SORBS2: variants seen among roughly 807,000 people sequenced by gnomAD.
SORBS2 encodes the protein sorbin and SH3 domain containing 2, also known as sorbin and SH3 domain-containing protein 2.
A neutral mutation model predicts 97.7 loss-of-function variants in SORBS2; 46 were observed. That is an observed-to-expected ratio of 0.47 (90% CI 0.37 to 0.60). The LOEUF is 0.60. SORBS2 is among the 20% of genes least tolerant of loss of function. The pLI, the probability that SORBS2 is intolerant of heterozygous loss-of-function variation, is 0.00. For missense variants in SORBS2, 1,316 were observed against 1,282.3 expected, an observed-to-expected ratio of 1.03 and a Z score of -0.40; for synonymous variants, 476 against 473.4, an observed-to-expected ratio of 1.01 and a Z score of -0.07.
chr4:185,870,136 T>C (rs2648112), intron 1 of SORBS2, among the ~76,000 whole-genome samples: 72,230 of 152,076 alleles, frequency 0.47, 19,085 homozygotes, highest in African/African-American at 0.71. Context: ...ATTGGGCCAT[T>C]GTATGCTCTA....
intron 2 of SORBS2, among the ~76,000 whole-genome samples, chr4:185,715,643 T>A (rs190217215): frequency 6.6e-6 from 1 of 152,272 alleles, no homozygotes; most frequent in Non-Finnish European, 1.5e-5. Context: ...AAAAAGTACT[T>A]TATGTAGCGA....
At chr4:185,920,921 G>A (rs1452512561) in intron 1 of SORBS2, among the ~76,000 whole-genome samples, 1 of 152,186 alleles carries the variant, frequency 6.6e-6, no homozygotes, top group Non-Finnish European at 1.5e-5. Context: ...ATGCTTTTCA[G>A]TGATCCATTC....
At chr4:185,765,160 G>A (rs888810780) in intron 2 of SORBS2, among the ~76,000 whole-genome samples, 6 of 152,030 alleles carry the variant, frequency 3.9e-5, no homozygotes, top group African/African-American at 7.2e-5. Context: ...GAAGCAATAT[G>A]AAAAGACCCT....
intron 2 of SORBS2, chr4:185,774,755 A>G (rs957498417): frequency 1.3e-5 from 2 of 152,162 alleles, no homozygotes; most frequent in Non-Finnish European, 2.9e-5. Flanking sequence ...CGAGCAATGA[A>G]CGAAACAGTG....
chr4:185,916,878 G>A (rs1041171096), intron 1 of SORBS2, among the ~76,000 whole-genome samples: 8 of 152,160 alleles, frequency 5.3e-5, no homozygotes, highest in East Asian at 3.9e-4. Flanking sequence ...CTGTCTTTTC[G>A]TATGCTAATG....
intron 1 of SORBS2, among the ~76,000 whole-genome samples, chr4:185,822,819 C>T (rs1026713399): frequency 1.3e-5 from 2 of 152,162 alleles, no homozygotes; most frequent in Admixed American, 6.5e-5. Context: ...TCTGAGAGTT[C>T]TGAGAACGCC....
chr4:185,641,105 A>C (rs1208506383), intron 4 of SORBS2, among the ~76,000 whole-genome samples: 2 of 149,582 alleles, frequency 1.3e-5, no homozygotes, highest in African/African-American at 2.4e-5. Flanking sequence ...TGGATATACC[A>C]AGTCCTGATT....
chr4:185,685,343 A>C (rs1274691377), intron 2 of SORBS2, among the ~76,000 whole-genome samples: 1 of 152,176 alleles, frequency 6.6e-6, no homozygotes, highest in East Asian at 1.9e-4. Flanking sequence ...TTGCAGTAAA[A>C]ATTATTAGTG....
chr4:185,902,799 A>G (rs1292755074), intron 1 of SORBS2, among the ~76,000 whole-genome samples: 2 of 152,108 alleles, frequency 1.3e-5, no homozygotes, highest in African/African-American at 4.8e-5. Flanking sequence ...GATTTTGTAT[A>G]TTACCTCAGT....
chr4:185,703,030 G>A (rs13136101), intron 2 of SORBS2, among the ~76,000 whole-genome samples: 114,259 of 152,026 alleles, frequency 0.75, 45,170 homozygotes, highest in Non-Finnish European at 0.89. Flanking sequence ...ATGAGATGGG[G>A]TACATATTAA....
At chr4:185,747,945 C>T (rs556477906) in intron 2 of SORBS2, among the ~76,000 whole-genome samples, 30 of 151,874 alleles carry the variant, frequency 2.0e-4, no homozygotes, top group African/African-American at 6.5e-4. Flanking sequence ...GAGCTGAGAC[C>T]GTAACACTGC....
At chr4:185,651,083 T>C (rs1228886898) in intron 2 of SORBS2, among the ~76,000 whole-genome samples, 1 of 151,668 alleles carries the variant, frequency 6.6e-6, no homozygotes, top group East Asian at 1.9e-4. Context: ...AGAAAAAAAA[T>C]AGTTGTGCAC....
chr4:185,714,527 A>G (rs1230899607), intron 2 of SORBS2, among the ~76,000 whole-genome samples: 1 of 152,200 alleles, frequency 6.6e-6, no homozygotes, highest in African/African-American at 2.4e-5. Flanking sequence ...CACAACAGCA[A>G]TTAGGTATAC....
intron 1 of SORBS2, among the ~76,000 whole-genome samples, chr4:185,654,697 G>T (rs181407118): frequency 6.6e-6 from 1 of 152,172 alleles, no homozygotes; most frequent in East Asian, 1.9e-4. Context: ...CATGGAGATC[G>T]CTATGCCTAA....
chr4:185,656,929 C>T, exon 1 of SORBS2: 1 of 1,188,436 alleles, frequency 8.4e-7, no homozygotes, highest in African/African-American at 1.6e-5. Context: ...ATGACATTAA[C>T]TCTCTTCACT....
intron 1 of SORBS2, among the ~76,000 whole-genome samples, chr4:185,928,389 G>A (rs576529299): frequency 1.9e-4 from 29 of 152,180 alleles, no homozygotes; most frequent in Non-Finnish European, 4.0e-4. Context: ...GAGTGGCAGA[G>A]CAAGACCCCA....
At chr4:185,619,433 G>A (rs555953519) in intron 8 of SORBS2, among the ~76,000 whole-genome samples, 4 of 152,170 alleles carry the variant, frequency 2.6e-5, no homozygotes, top group East Asian at 3.9e-4. Context: ...TACATCAGAC[G>A]CCTATAAGAT....
chr4:185,740,882 C>T (rs566996572), intron 2 of SORBS2, among the ~76,000 whole-genome samples: 11 of 152,070 alleles, frequency 7.2e-5, no homozygotes, highest in East Asian at 5.8e-4. Flanking sequence ...AGCACTAACT[C>T]GGACCAGCAC....
intron 2 of SORBS2, among the ~76,000 whole-genome samples, chr4:185,693,578 C>T (rs964727423): frequency 5.9e-5 from 9 of 152,138 alleles, no homozygotes; most frequent in Non-Finnish European, 4.4e-5. Context: ...TTATGAGGAC[C>T]TTTCCCAAAT....
Sources: allele counts gnomAD v4.1 joint callset (sites outside exome capture counted in the v4.1 genomes callset), GRCh38; gene constraint gnomAD v4.1.1; transcripts MANE v1.5; gene names NCBI Gene and HGNC (gene_info 2026-07-23, HGNC 2026-07-21).